The following TMEM131 variants were observed in gnomAD, a reference collection of about 807,000 sequenced individuals.
TMEM131 encodes the protein transmembrane protein 131.
TMEM131 carries 66 observed loss-of-function variants against 211.6 expected under a neutral mutation model. The observed-to-expected ratio is 0.31, with a 90% CI of 0.26 to 0.38. The LOEUF (loss-of-function observed/expected upper bound fraction) is 0.38. Among genes scored for constraint, TMEM131 ranks in the 10% least tolerant of loss-of-function variants. TMEM131 has a pLI of 1.00. For synonymous variants in TMEM131, 844 were observed against 841.3 expected (o/e 1.00, Z -0.06); for missense variants, 2,036 against 2,299.3 (o/e 0.89, Z 2.34).
At chr2:97,793,100 A>C in intron 30 of TMEM131, 116 bp from the exon 31 acceptor site, 1 of 764,630 alleles carries the variant, frequency 1.3e-6, no homozygotes, top group East Asian at 2.8e-5. Flanking sequence ...CTAGGGAAAA[A>C]ATAGCAAGAA....
At chr2:97,820,150 T>C (rs921692243) in intron 11 of TMEM131, among the ~76,000 whole-genome samples, 2 of 152,248 alleles carry the variant, frequency 1.3e-5, no homozygotes, top group Non-Finnish European at 2.9e-5. Context: ...CTTGGCATTT[T>C]AACTCTTTTT....
rs777975502 is a variant in TMEM131, at chr2:97,760,755, C to A, written c.5011+38G>T. ...ACAGAGGTCATTCCACCAGGCCTGGCGCCTGGCGTGGCAGGTCTCTGAAGC... is the reference window on the plus strand; with the variant it reads ...ACAGAGGTCATTCCACCAGGCCTGGAGCCTGGCGTGGCAGGTCTCTGAAGC... On this transcript the variant is annotated intron_variant, in intron 37 of 40. Coordinates refer to ENST00000186436, the MANE Select transcript of TMEM131 (RefSeq NM_015348.2). 3 of 1,613,720 alleles carry A rather than the reference C, an allele frequency of 1.9e-6. No homozygotes were observed. In the South Asian group the frequency reaches 3.3e-5, roughly 18 times the overall value.
chr2:97,854,168 G>A (rs1419829057), intron 5 of TMEM131, among the ~76,000 whole-genome samples: 1 of 152,160 alleles, frequency 6.6e-6, no homozygotes, highest in African/African-American at 2.4e-5. Flanking sequence ...TCAGTCAGTG[G>A]CTGTCAACAT....
intron 1 of TMEM131, among the ~76,000 whole-genome samples, chr2:97,972,949 T>TA (rs971465147): frequency 5.3e-5 from 8 of 151,950 alleles, no homozygotes; most frequent in East Asian, 1.9e-4. Context: ...AAACACATAT[T>TA]AAAAAAAATC....
At chr2:97,925,448 G>T in intron 2 of TMEM131, among the ~76,000 whole-genome samples, 1 of 152,072 alleles carries the variant, frequency 6.6e-6, no homozygotes, top group East Asian at 1.9e-4. Context: ...TGATCTTTAC[G>T]TATTCTGGAT....
intron 1 of TMEM131, among the ~76,000 whole-genome samples, chr2:97,942,009 TAAAG>T (rs1677754364): frequency 6.6e-6 from 1 of 152,084 alleles, no homozygotes; most frequent in African/African-American, 2.4e-5. Flanking sequence ...CATGCTGCTA[TAAAG>T]ACACATGCAC....
intron 1 of TMEM131, among the ~76,000 whole-genome samples, chr2:97,962,029 CTAAA>C (rs1678840121): frequency 6.6e-6 from 1 of 152,048 alleles, no homozygotes; most frequent in Non-Finnish European, 1.5e-5. Context: ...GATTACAGAC[CTAAA>C]TAAACAGCTA....
At chr2:97,843,104 G>T (rs1166921724) in intron 6 of TMEM131, among the ~76,000 whole-genome samples, 1 of 148,250 alleles carries the variant, frequency 6.7e-6, no homozygotes, top group Non-Finnish European at 1.5e-5. Context: ...GTAAAGTAAT[G>T]TGTCAGAGCT....
intron 4 of TMEM131, among the ~76,000 whole-genome samples, chr2:97,884,598 C>T (rs540130722): frequency 1.3e-5 from 2 of 152,260 alleles, no homozygotes; most frequent in South Asian, 2.1e-4. Flanking sequence ...TATCTGGGTG[C>T]TCTAGTGCTA....
intron 3 of TMEM131, among the ~76,000 whole-genome samples, chr2:97,897,025 G>A (rs1675644042): frequency 6.6e-6 from 1 of 151,786 alleles, no homozygotes; most frequent in African/African-American, 2.4e-5. Context: ...ACAGTTTTCA[G>A]TGTACAGGTC....
intron 7 of TMEM131, among the ~76,000 whole-genome samples, chr2:97,838,945 A>G (rs942693175): frequency 2.6e-5 from 4 of 152,182 alleles, no homozygotes; most frequent in South Asian, 2.1e-4. Flanking sequence ...TGACTATAGA[A>G]CTTTTTCTGG....
intron 8 of TMEM131, among the ~76,000 whole-genome samples, chr2:97,836,736 A>C (rs928594994): frequency 6.6e-6 from 1 of 152,160 alleles, no homozygotes; most frequent in Non-Finnish European, 1.5e-5. Context: ...ACATTTTTTT[A>C]ATCATTTACA....
At chr2:97,955,045 A>T (rs976275387) in intron 1 of TMEM131, among the ~76,000 whole-genome samples, 3 of 152,156 alleles carry the variant, frequency 2.0e-5, no homozygotes, top group Non-Finnish European at 2.9e-5. Context: ...AAAACTATAG[A>T]CCACTATTCC....
intron 12 of TMEM131, among the ~76,000 whole-genome samples, chr2:97,817,023 A>G (rs1000114065): frequency 3.3e-5 from 5 of 152,210 alleles, no homozygotes. Context: ...ACCTACTTTT[A>G]AGAAATGTAG....
At chr2:97,955,742 T>C (rs1678537884) in intron 1 of TMEM131, among the ~76,000 whole-genome samples, 1 of 151,914 alleles carries the variant, frequency 6.6e-6, no homozygotes, top group Non-Finnish European at 1.5e-5. Context: ...CAAAACACCA[T>C]TTACAATCAC....
At chr2:97,927,261 G>T (rs545311231) in intron 2 of TMEM131, 165 bp downstream of exon 2, 25 of 438,486 alleles carry the variant, frequency 5.7e-5, no homozygotes, top group Non-Finnish European at 1.2e-5. Flanking sequence ...GAAAACTCAC[G>T]TAACTACAGA....
intron 1 of TMEM131, among the ~76,000 whole-genome samples, chr2:97,941,747 G>A (rs938085380): frequency 2.0e-5 from 3 of 152,206 alleles, no homozygotes; most frequent in African/African-American, 7.2e-5. Context: ...CTGGCCATCA[G>A]AGAAATGCAA....
Position 97,995,728 on chromosome 2 carries a change from C to T in TMEM131, c.-66G>A. 3 of 1,122,512 alleles carry T rather than the reference C, an allele frequency of 2.7e-6. No individual in the cohort carries two copies. Among genetic ancestry groups the T allele is most frequent in the Non-Finnish European group, 3.3e-6 (3 of 909,116 alleles). 69.5% of individuals were successfully genotyped at this position (1,122,512 alleles called of 1,614,324 possible). On this transcript the variant is annotated 5_prime_UTR_variant, in exon 1 of 41. Coordinates refer to ENST00000186436, the MANE Select transcript of TMEM131 (RefSeq NM_015348.2). ...GCCCTTCTCGGCGAGGCGGCGGCGG[C>T]GCGGAAGCCGTGGTCCGGGCTCTGG... is the stretch of plus-strand genomic sequence containing the variant.
In TMEM131 at chr2:97,897,669, T is replaced by C. The variant is rs184396980; in HGVS notation, c.291-9549A>G. On this transcript the variant is annotated intron_variant, in intron 3 of 40. Transcript: ENST00000186436. ...TTGCTAATATTCTGTTAGAGATTTC[T>C]GAATATATGTTTGAAGAGATGTCGC... Among the ~76,000 whole-genome samples, 1,448 of 152,282 alleles carry C rather than the reference T, an allele frequency of 9.5e-3. 13 individuals are homozygous for C. Among genetic ancestry groups the C allele is most frequent in the Middle Eastern group, 0.034 (10 of 294 alleles).
Sources: allele counts gnomAD v4.1 joint callset (sites outside exome capture counted in the v4.1 genomes callset), GRCh38; gene constraint gnomAD v4.1.1; transcripts MANE v1.5; gene names NCBI Gene and HGNC (gene_info 2026-07-23, HGNC 2026-07-21).